KLHL29: variants seen among roughly 807,000 people sequenced by gnomAD.
KLHL29 encodes kelch-like protein 29.
Under a neutral mutation model 80.4 loss-of-function variants are expected in KLHL29, and 21 were observed. The ratio of observed to expected loss-of-function variants is 0.26; its 90% CI spans 0.19 to 0.38. KLHL29 has a LOEUF of 0.38. KLHL29 is among the 10% of genes least tolerant of loss of function. The pLI is 1.00. For missense variants in KLHL29, 867 were observed against 1,223.9 expected (o/e 0.71, Z 4.35); for synonymous variants, 511 against 526.8 (o/e 0.97, Z 0.41).
intron 2 of KLHL29, among the ~76,000 whole-genome samples, chr2:23,498,152 A>G (rs180794498): frequency 6.6e-6 from 1 of 152,178 alleles, no homozygotes; most frequent in East Asian, 1.9e-4. Context: ...ATATTATCCT[A>G]TACACTGACA....
chr2:23,615,573 A>C (rs1668983824), intron 3 of KLHL29, among the ~76,000 whole-genome samples: 1 of 152,088 alleles, frequency 6.6e-6, no homozygotes, highest in Non-Finnish European at 1.5e-5. Context: ...TGGACCTGCG[A>C]GCCGGGCCGG....
At chr2:23,528,399 G>A (rs1409519132) in intron 2 of KLHL29, among the ~76,000 whole-genome samples, 1 of 152,140 alleles carries the variant, frequency 6.6e-6, no homozygotes. Context: ...TTCCGATGCT[G>A]GTTAGTCACT....
chr2:23,483,712 G>C (rs976319189), intron 2 of KLHL29, among the ~76,000 whole-genome samples: 5 of 152,148 alleles, frequency 3.3e-5, no homozygotes, highest in Non-Finnish European at 7.3e-5. Flanking sequence ...GACAAAAAGG[G>C]GTTCTTGTTG....
At chr2:23,541,941 G>T (rs970451506) in intron 2 of KLHL29, among the ~76,000 whole-genome samples, 1 of 152,144 alleles carries the variant, frequency 6.6e-6, no homozygotes, top group Non-Finnish European at 1.5e-5. Flanking sequence ...TAGTGGTGCA[G>T]CTGCTCAAAC....
intron 5 of KLHL29, among the ~76,000 whole-genome samples, chr2:23,644,467 T>A (rs968230793): frequency 6.6e-6 from 1 of 152,166 alleles, no homozygotes; most frequent in Admixed American, 6.5e-5. Flanking sequence ...CAGGCACGCA[T>A]CTAGGAAAAG....
rs563100257 is a variant in KLHL29, at chr2:23,620,874, G to A, written c.286-18265G>A. On this transcript the variant is annotated intron_variant, in intron 3 of 13. Coordinates refer to ENST00000486442, the MANE Select transcript of KLHL29 (RefSeq NM_052920.2). ...TAAACAGGCCAGTGTGTGCTGCCGC[G>A]ATGGGAACTCCAGCATCCTGCTGGC... Among the ~76,000 whole-genome samples, 10 of 152,342 alleles carry A rather than the reference G, an allele frequency of 6.6e-5. No individual in the cohort carries two copies. The South Asian group carries it at 2.1e-3, about 32-fold the overall frequency.
At chr2:23,606,237 G>A (rs571231468) in intron 3 of KLHL29, among the ~76,000 whole-genome samples, 1 of 151,314 alleles carries the variant, frequency 6.6e-6, no homozygotes, top group South Asian at 2.1e-4. Flanking sequence ...AGAGAAAGGA[G>A]AGAGGGAGGA....
intron 1 of KLHL29, among the ~76,000 whole-genome samples, chr2:23,468,542 C>T (rs376602061): frequency 5.9e-5 from 9 of 152,140 alleles, no homozygotes; most frequent in East Asian, 3.8e-4. Context: ...CAAGAGACAC[C>T]GCCCCCCTCC....
intron 3 of KLHL29, among the ~76,000 whole-genome samples, chr2:23,585,289 C>T (rs994926338): frequency 2.6e-5 from 4 of 152,156 alleles, no homozygotes; most frequent in East Asian, 1.9e-4. Context: ...AGGTGGAATC[C>T]GTTACTGAAA....
At chr2:23,428,468 C>T (rs767274084) in intron 1 of KLHL29, among the ~76,000 whole-genome samples, 1 of 152,076 alleles carries the variant, frequency 6.6e-6, no homozygotes, top group Non-Finnish European at 1.5e-5. Context: ...TGATGGGTGT[C>T]CCGGTCTCAG....
At chr2:23,559,151 C>T (rs772046841) in intron 2 of KLHL29, among the ~76,000 whole-genome samples, 24 of 152,032 alleles carry the variant, frequency 1.6e-4, no homozygotes, top group South Asian at 4.2e-4. Flanking sequence ...AAAAGAGCAG[C>T]GTGGACTTGG....
At chr2:23,572,874 A>G (rs1349483539) in intron 3 of KLHL29, among the ~76,000 whole-genome samples, 1 of 152,038 alleles carries the variant, frequency 6.6e-6, no homozygotes, top group East Asian at 1.9e-4. Context: ...CTAATTTTTT[A>G]TATTTTTAGT....
chr2:23,522,112 C>T (rs1666123366), intron 2 of KLHL29, among the ~76,000 whole-genome samples: 1 of 152,024 alleles, frequency 6.6e-6, no homozygotes, highest in Non-Finnish European at 1.5e-5. Context: ...CTGGGGCTTG[C>T]CTGTGAACAC....
At position 23,696,445 on chromosome 2, in the gene KLHL29, C is replaced by T. The variant is rs866239614; in HGVS notation, c.2037C>T (p.Leu679=). 42 of 1,550,716 alleles carry T rather than the reference C, an allele frequency of 2.7e-5. No homozygotes were observed. In the Middle Eastern group the frequency reaches 5.1e-4, roughly 19 times the overall value. The change falls in exon 11 of 14, where the codon CTC becomes CTT. Residue 679 remains leucine, a synonymous_variant. Transcript: ENST00000486442. This position sits in a 1 kb window ranked among gnomAD's most constrained non-coding sequence, Gnocchi z 5.5. ...MTVPRCRHNS[L]VYDGKIYTLG... ...TCCCCCGCTGTCGGCACAATAGCCT[C>T]GTCTACGATGGGAAGATTTACACCC... is the stretch of plus-strand genomic sequence containing the variant.
chr2:23,642,403 G>A lies in KLHL29; in HGVS notation c.493G>A (p.Gly165Arg). The part of the protein sequence containing the change: ...NQPTLIAHSY[G>R]VAQPPTFSPA... ...GCCCACCCTGATTGCACACTCCTAT[G>A]GAGTGGCCCAGCCTCCCACCTTCAG... The change falls in exon 5 of 14, where the codon GGA becomes AGA. Residue 165 changes from glycine to arginine, a missense_variant. Transcript: ENST00000486442. 1 of 1,481,278 alleles carries A rather than the reference G, an allele frequency of 6.8e-7. No individual in the cohort carries two copies. Among genetic ancestry groups the A allele is most frequent in the South Asian group, 1.4e-5 (1 of 73,294 alleles). The allele number at this position is 1,481,278 out of a possible 1,614,324, so 91.8% of individuals were successfully genotyped here.
rs372147668 is a variant in KLHL29, at chr2:23,569,518, AT to A, written c.285+7046del. Among the ~76,000 whole-genome samples the A allele has an allele frequency of 4.5e-3, 677 of 151,902 alleles. 3 individuals carry two copies. The highest frequency in any genetic ancestry group is 0.015 in the African/African-American group (630 of 41,418). ...TAATTACTCATGTTGCAATTAAACA[AT>A]TTTTTTTTCCCTTGAGAAAGGACAG... is the stretch of plus-strand genomic sequence containing the variant. On this transcript the variant is annotated intron_variant, in intron 3 of 13. Coordinates refer to ENST00000486442, the MANE Select transcript of KLHL29 (RefSeq NM_052920.2).
chr2:23,416,825 C>A (rs1666990596), intron 1 of KLHL29, among the ~76,000 whole-genome samples: 1 of 152,148 alleles, frequency 6.6e-6, no homozygotes, highest in Non-Finnish European at 1.5e-5. Flanking sequence ...TTGTTATGGG[C>A]TCCCTAAAAC....
chr2:23,640,353 C>G (rs1309141868), intron 4 of KLHL29, among the ~76,000 whole-genome samples: 1 of 152,150 alleles, frequency 6.6e-6, no homozygotes, highest in South Asian at 2.1e-4. Context: ...TCTCTTGTAC[C>G]CTTGGGCCAT....
chr2:23,453,901 G>GA lies in KLHL29; in HGVS notation c.-153-21658dup, dbSNP rs1663962258. On this transcript the variant is annotated intron_variant, in intron 1 of 13. Coordinates refer to ENST00000486442, the MANE Select transcript of KLHL29 (RefSeq NM_052920.2). ...CCTGCATTTACCCTTTAAAAATGGGGAGGAGGTTTTAGAACTGCATTTGAG... is the reference window on the plus strand; with the variant it reads ...CCTGCATTTACCCTTTAAAAATGGGGAAGGAGGTTTTAGAACTGCATTTGAG... 2.6e-5 allele frequency among the ~76,000 whole-genome samples: 4 copies of GA among 152,204 alleles called. 1 individual carries two copies. Among genetic ancestry groups the GA allele is most frequent in the Admixed American group, 2.6e-4 (4 of 15,294 alleles).
Sources: gnomAD v4.1 joint callset for allele counts (sites outside exome capture counted in the v4.1 genomes callset) on GRCh38, gnomAD v4.1.1 for gene constraint, Gnocchi (gnomAD v3.1) non-coding constraint, MANE v1.5 for transcripts, NCBI Gene and HGNC (gene_info 2026-07-23, HGNC 2026-07-21) for gene names.